The following PTPRD variants were observed in gnomAD, a reference collection of about 807,000 sequenced individuals.
The protein encoded by PTPRD is receptor-type tyrosine-protein phosphatase delta.
Under a neutral mutation model 214.5 loss-of-function variants are expected in PTPRD, and 34 were observed. The observed-to-expected ratio is 0.16, with a 90% CI of 0.12 to 0.21. PTPRD has a LOEUF of 0.21. Ranked by LOEUF, PTPRD falls within the 10% of genes least tolerant of loss-of-function variation. PTPRD has a pLI of 1.00. For synonymous variants in PTPRD, 1,128 were observed against 845.7 expected (o/e 1.33, Z -5.79); for missense variants, 2,545 against 2,398.7 (o/e 1.06, Z -1.27).
chr9:10,119,565 A>G (rs1235715732), intron 3 of PTPRD, among the ~76,000 whole-genome samples: 2 of 152,006 alleles, frequency 1.3e-5, no homozygotes, highest in African/African-American at 4.8e-5. Context: ...CCATATATAA[A>G]ATAAACGTGT....
chr9:9,642,361 C>T (rs1009766869), intron 7 of PTPRD, among the ~76,000 whole-genome samples: 4 of 151,016 alleles, frequency 2.6e-5, no homozygotes, highest in African/African-American at 9.7e-5. Context: ...CACATGTATA[C>T]ATATGTAACT....
chr9:10,567,491 G>A (rs2065980481), intron 2 of PTPRD, among the ~76,000 whole-genome samples: 1 of 151,994 alleles, frequency 6.6e-6, no homozygotes, highest in Non-Finnish European at 1.5e-5. Context: ...CCACCATAAT[G>A]TGACCTTATT....
At chr9:8,698,390 T>C (rs190317477) in intron 12 of PTPRD, among the ~76,000 whole-genome samples, 77 of 152,284 alleles carry the variant, frequency 5.1e-4, no homozygotes, top group African/African-American at 1.6e-3. Flanking sequence ...TAGGCATAGT[T>C]TTAAATGTTC....
At chr9:10,056,750 A>T (rs2097657881) in intron 3 of PTPRD, among the ~76,000 whole-genome samples, 1 of 152,138 alleles carries the variant, frequency 6.6e-6, no homozygotes. Context: ...GAATTTAATG[A>T]GCCACATTCT....
At chr9:9,376,477 C>A (rs996705826) in intron 9 of PTPRD, among the ~76,000 whole-genome samples, 1 of 152,096 alleles carries the variant, frequency 6.6e-6, no homozygotes. Context: ...GTGTTTAGGA[C>A]TAGGAATTAA....
At chr9:9,111,070 G>A (rs73641219) in intron 10 of PTPRD, among the ~76,000 whole-genome samples, 1 of 152,026 alleles carries the variant, frequency 6.6e-6, no homozygotes, top group Non-Finnish European at 1.5e-5. Context: ...GTCCAACAGG[G>A]AAGATCAGAA....
intron 5 of PTPRD, among the ~76,000 whole-genome samples, chr9:9,923,486 CA>C (rs34543277): frequency 1.3e-5 from 2 of 151,078 alleles, no homozygotes; most frequent in African/African-American, 4.9e-5. Context: ...TGAGCACACA[CA>C]AAAAAATCGA....
At chr9:9,263,320 T>C (rs374631737) in intron 9 of PTPRD, among the ~76,000 whole-genome samples, 150 of 151,822 alleles carry the variant, frequency 9.9e-4, no homozygotes, top group African/African-American at 3.4e-3. Flanking sequence ...ATTGAGGGAA[T>C]AGACATTGTC....
intron 10 of PTPRD, among the ~76,000 whole-genome samples, chr9:9,135,160 T>C (rs1480768162): frequency 2.0e-5 from 3 of 152,208 alleles, no homozygotes. Context: ...ACGTATCATA[T>C]TTTGCCTCAA....
At chr9:9,822,025 C>T (rs992918571) in intron 5 of PTPRD, among the ~76,000 whole-genome samples, 7 of 151,354 alleles carry the variant, frequency 4.6e-5, no homozygotes, top group Non-Finnish European at 1.0e-4. Context: ...GTAAATATCA[C>T]CTTATCTGTA....
At chr9:8,514,898 G>C (rs35789317) in intron 21 of PTPRD, among the ~76,000 whole-genome samples, 28,421 of 151,936 alleles carry the variant, frequency 0.19, 2,981 homozygotes, top group African/African-American at 0.28. Context: ...GATAGTGAGT[G>C]AATTCTCACG....
At chr9:10,319,347 G>C (rs560439076) in intron 3 of PTPRD, among the ~76,000 whole-genome samples, 1 of 152,044 alleles carries the variant, frequency 6.6e-6, no homozygotes, top group South Asian at 2.1e-4. Flanking sequence ...TATTGCATTA[G>C]ATTTCATATC....
intron 4 of PTPRD, among the ~76,000 whole-genome samples, chr9:9,982,710 T>C (rs889080139): frequency 6.6e-6 from 1 of 152,040 alleles, no homozygotes; most frequent in Non-Finnish European, 1.5e-5. Context: ...TTGTATTTGA[T>C]GCTATCTGTT....
intron 7 of PTPRD, among the ~76,000 whole-genome samples, chr9:9,664,479 T>A (rs1181428034): frequency 6.6e-6 from 1 of 151,652 alleles, no homozygotes; most frequent in Admixed American, 6.6e-5. Context: ...GGACATGCAA[T>A]TAGATCAGCT....
At chr9:8,988,813 T>G (rs189289373) in intron 11 of PTPRD, among the ~76,000 whole-genome samples, 3 of 152,076 alleles carry the variant, frequency 2.0e-5, no homozygotes, top group Non-Finnish European at 2.9e-5. Context: ...GCTTTTCTCT[T>G]GAAAACAAGG....
chr9:8,514,143 T>C (rs983011047), intron 21 of PTPRD, among the ~76,000 whole-genome samples: 4 of 152,118 alleles, frequency 2.6e-5, no homozygotes, highest in Non-Finnish European at 5.9e-5. Flanking sequence ...TATGATTCAA[T>C]GTCATATTCT....
At chr9:9,388,428 C>T (rs569638025) in intron 9 of PTPRD, among the ~76,000 whole-genome samples, 11 of 152,246 alleles carry the variant, frequency 7.2e-5, no homozygotes, top group Non-Finnish European at 1.0e-4. Flanking sequence ...CCCTTCCCAG[C>T]ACTAATGTAT....
At chr9:8,758,301 T>G (rs1260693393) in intron 11 of PTPRD, among the ~76,000 whole-genome samples, 1 of 152,210 alleles carries the variant, frequency 6.6e-6, no homozygotes, top group Admixed American at 6.5e-5. Context: ...GTAGTACCAC[T>G]CTAGATGCAT....
Position 8,508,933 on chromosome 9 carries a change from A to C in PTPRD, c.1544-1499T>G, listed in dbSNP as rs1212957732. 2.7e-5 allele frequency among the ~76,000 whole-genome samples: 4 copies of C among 150,498 alleles called. No homozygotes were observed. In the East Asian group the frequency reaches 7.8e-4, roughly 29 times the overall value. On this transcript the variant is annotated intron_variant, in intron 21 of 45. Transcript: ENST00000381196. ...TGTGTGTGTGTGTGTGTGTAAAGGA[A>C]TATATGTTTGGACTGATGCTTAAGG...
Sources: gnomAD v4.1 joint callset for allele counts (sites outside exome capture counted in the v4.1 genomes callset) on GRCh38, gnomAD v4.1.1 for gene constraint, MANE v1.5 for transcripts, NCBI Gene and HGNC (gene_info 2026-07-23, HGNC 2026-07-21) for gene names.